The following SCUBE3 variants were observed in gnomAD, a reference collection of about 807,000 sequenced individuals.
The protein encoded by SCUBE3 is signal peptide, CUB and EGF-like domain-containing protein 3.
SCUBE3 carries 33 observed loss-of-function variants against 116.8 expected under a neutral mutation model. That is an observed-to-expected ratio of 0.28 (90% CI 0.21 to 0.38). The LOEUF is 0.38. SCUBE3 is among the 10% of genes least tolerant of loss of function. SCUBE3 has a pLI of 1.00. For synonymous variants in SCUBE3, 418 were observed against 496.9 expected (o/e 0.84, Z 2.11); for missense variants, 1,007 against 1,324.8 (o/e 0.76, Z 3.72).
chr6:35,217,061 C>G (rs535246853), intron 1 of SCUBE3, among the ~76,000 whole-genome samples: 114 of 151,556 alleles, frequency 7.5e-4, no homozygotes, highest in African/African-American at 2.6e-3. Flanking sequence ...GGTGGGTAAG[C>G]CTGTGTGACT....
Position 35,214,503 on chromosome 6 carries a change from G to T in SCUBE3, c.85G>T (p.Asp29Tyr). Residue 29 changes from aspartate (D) to tyrosine (Y), a missense_variant and splice_region_variant, in exon 1 of 22, where the codon GAT (aspartate) becomes TAT (tyrosine). By Grantham distance (160) the Asp-to-Tyr change is radical. Around this residue, in one of 5 missense-constraint regions of SCUBE3, gnomAD observed 94 missense variants for 92.0 expected, o/e 1.02. Transcript: ENST00000274938. The surrounding 1 kb of genome is among the most constrained non-coding windows in gnomAD (Gnocchi z 6.3). Reference protein sequence around the residue: ...RAAQYSKAAQDVDECVEGTDN... With the variant: ...RAAQYSKAAQYVDECVEGTDN... ...CGCCCAGTACAGCAAAGCCGCGCAA[G>T]GTAAGGAAGGAGGGGCGCGCGGCCT... 6.7e-7 allele frequency: 1 copy of T among 1,488,302 alleles called. No individual in the cohort carries two copies. 92.2% of individuals were successfully genotyped at this position (1,488,302 alleles called of 1,614,324 possible). A position where few individuals can be genotyped will look rare whatever the true frequency, so the allele number is the denominator to read the frequency against.
Position 35,244,033 on chromosome 6 carries a change from C to G in SCUBE3, c.2142C>G (p.Tyr714Ter). The change falls in exon 17 of 22, where the codon TAC becomes TAG. Residue 714 changes from tyrosine (Y) to a stop codon, truncating the protein, a stop_gained. Coordinates refer to ENST00000274938, the MANE Select transcript of SCUBE3 (RefSeq NM_152753.4). LOFTEE classifies it high-confidence loss of function. This position sits in a 1 kb window ranked among gnomAD's most constrained non-coding sequence, Gnocchi z 4.3. ...KPCQPCPRGT[Y>*]QPEAGRTLCF... ...GTCAGCCATGCCCACGTGGCACCTA[C>G]CAACCTGAAGCAGGACGGACCCTAT... 6.2e-7 allele frequency: 1 copy of G among 1,614,142 alleles called. No homozygotes were observed.
At position 35,240,265 on chromosome 6, in the gene SCUBE3, A is replaced by T; in HGVS notation, c.953-109A>T. ...TCCTAGAGCTAGGACATGAATAGGA[A>T]CTCTTCAGTTCAAGGGGGAAAGCCA... On this transcript the variant is annotated intron_variant, in intron 8 of 21. Coordinates refer to ENST00000274938, the MANE Select transcript of SCUBE3 (RefSeq NM_152753.4). The surrounding 1 kb of genome is among the most constrained non-coding windows in gnomAD (Gnocchi z 4.6). The T allele has an allele frequency of 1.6e-6, 1 of 614,366 alleles. No homozygotes were observed. The highest frequency in any genetic ancestry group is 2.9e-6 in the Non-Finnish European group (1 of 348,904). 38.1% of individuals were successfully genotyped at this position (614,366 alleles called of 1,614,324 possible). A position where few individuals can be genotyped will look rare whatever the true frequency, so the allele number is the denominator to read the frequency against.
rs1562044702 is a variant in SCUBE3 at position 35,226,479 on chromosome 6, C to CT, written c.86-1101_86-1100insT. Among the ~76,000 whole-genome samples, 50 of 52,172 alleles carry CT rather than the reference C, an allele frequency of 9.6e-4. 2 individuals are homozygous for CT. The highest frequency in any genetic ancestry group is 2.3e-3 in the African/African-American group (42 of 18,318). 34.2% of individuals were successfully genotyped at this position (52,172 alleles called of 152,430 possible). ...TCAGAAGTTGGACTCTTTTCTATGT[C>CT]CTTTTTTTTTTTTTTTTTTTTTTGA... On this transcript the variant is annotated intron_variant, in intron 1 of 21. Coordinates refer to ENST00000274938, the MANE Select transcript of SCUBE3 (RefSeq NM_152753.4).
At position 35,226,480 on chromosome 6, in the gene SCUBE3, C is replaced by CTTTTTTTTTTTTTTTTTTT. The variant is rs764779695; in HGVS notation, c.86-1096_86-1078dup. On this transcript the variant is annotated intron_variant, in intron 1 of 21. Transcript: ENST00000274938. ...CAGAAGTTGGACTCTTTTCTATGTCCTTTTTTTTTTTTTTTTTTTTTTGAG... is the reference window on the plus strand; with the variant it reads ...CAGAAGTTGGACTCTTTTCTATGTCCTTTTTTTTTTTTTTTTTTTTTTTTTTTTTTTTTTTTTTTTTGAG... Among the ~76,000 whole-genome samples the CTTTTTTTTTTTTTTTTTTT allele has an allele frequency of 1.9e-3, 161 of 85,228 alleles. 14 individuals are homozygous for CTTTTTTTTTTTTTTTTTTT. Among genetic ancestry groups the CTTTTTTTTTTTTTTTTTTT allele is most frequent in the East Asian group, 9.9e-3 (20 of 2,016 alleles). 55.9% of individuals were successfully genotyped at this position (85,228 alleles called of 152,430 possible). A position where few individuals can be genotyped will look rare whatever the true frequency, so the allele number is the denominator to read the frequency against.
rs1783905817 is a variant in SCUBE3 at position 35,239,026 on chromosome 6, T to C, written c.830-726T>C. ...GCCCCTTCCCCCAACCAGGGGTGAGTAGCCTGGGTCCTGTCTGCCACCAGC... is the reference window on the plus strand; with the variant it reads ...GCCCCTTCCCCCAACCAGGGGTGAGCAGCCTGGGTCCTGTCTGCCACCAGC... On this transcript the variant is annotated intron_variant, in intron 7 of 21. Transcript: ENST00000274938. The surrounding 1 kb of genome is among the most constrained non-coding windows in gnomAD (Gnocchi z 4.1). Among the ~76,000 whole-genome samples the C allele has an allele frequency of 6.6e-6, 1 of 151,670 alleles. No individual in the cohort carries two copies. The highest frequency in any genetic ancestry group is 1.5e-5 in the Non-Finnish European group (1 of 67,900).
rs890254296 is a variant in SCUBE3, at chr6:35,235,819, C to T, written c.713-2083C>T. 1.3e-5 allele frequency among the ~76,000 whole-genome samples: 2 copies of T among 151,640 alleles called. No individual in the cohort carries two copies. Among genetic ancestry groups the T allele is most frequent in the Non-Finnish European group, 2.9e-5 (2 of 67,902 alleles). On this transcript the variant is annotated intron_variant, in intron 6 of 21. Coordinates refer to ENST00000274938, the MANE Select transcript of SCUBE3 (RefSeq NM_152753.4). This position sits in a 1 kb window ranked among gnomAD's most constrained non-coding sequence, Gnocchi z 4.5. ...GCCATCTGCTCCCCACCCCCCTCTACCCAGCCAGCCTCATCTTCCCTGTCA... is the reference window on the plus strand; with the variant it reads ...GCCATCTGCTCCCCACCCCCCTCTATCCAGCCAGCCTCATCTTCCCTGTCA...
chr6:35,218,770 C>T (rs1027482942), intron 1 of SCUBE3, among the ~76,000 whole-genome samples: 9 of 152,188 alleles, frequency 5.9e-5, no homozygotes, highest in African/African-American at 2.2e-4. Flanking sequence ...CCCTCCCCCA[C>T]TGGCCACTTA....
chr6:35,224,787 C>A (rs1477799074), intron 1 of SCUBE3, among the ~76,000 whole-genome samples: 1 of 152,086 alleles, frequency 6.6e-6, no homozygotes, highest in Non-Finnish European at 1.5e-5. Context: ...AGTGAAGCAC[C>A]AGCTGATTCA....
At chr6:35,215,357 C>T (rs898443514) in intron 1 of SCUBE3, among the ~76,000 whole-genome samples, 19 of 152,166 alleles carry the variant, frequency 1.2e-4, no homozygotes, top group African/African-American at 4.1e-4. Flanking sequence ...GCTGTGCAGG[C>T]AGAGACTAGG....
rs1036596705 is a variant in SCUBE3 at position 35,219,393 on chromosome 6, A to G, written c.85+4890A>G. ...AGACATGTCCCCCTGCAGATCAAGC[A>G]CTGCTTTGTAGTTGCTGTTAGATGC... On this transcript the variant is annotated intron_variant, in intron 1 of 21. Coordinates refer to ENST00000274938, the MANE Select transcript of SCUBE3 (RefSeq NM_152753.4). The surrounding 1 kb of genome is among the most constrained non-coding windows in gnomAD (Gnocchi z 4.7). Among the ~76,000 whole-genome samples, 7 of 152,208 alleles carry G rather than the reference A, an allele frequency of 4.6e-5. No individual in the cohort carries two copies. Among genetic ancestry groups the G allele is most frequent in the Non-Finnish European group, 1.5e-5 (1 of 68,030 alleles).
chr6:35,234,216 C>T (rs554475300), intron 6 of SCUBE3, among the ~76,000 whole-genome samples: 56 of 152,130 alleles, frequency 3.7e-4, no homozygotes, highest in Non-Finnish European at 5.9e-4. Flanking sequence ...GTGTCTTTAG[C>T]CAGGCAGGGC....
intron 1 of SCUBE3, among the ~76,000 whole-genome samples, chr6:35,215,977 T>A (rs1782875594): frequency 6.6e-6 from 1 of 152,248 alleles, no homozygotes; most frequent in South Asian, 2.1e-4. Flanking sequence ...TAGTGTGTGC[T>A]GACTTACTCA....
chr6:35,232,312 C>G lies in SCUBE3; in HGVS notation c.469+453C>G, dbSNP rs1783582765. The stretch of plus-strand genomic sequence containing the variant: ...ACATCCCTGAGGGCAGGGACTATGT[C>G]TAACTCATTGTTGTATCCCCAGCAC... On this transcript the variant is annotated intron_variant, in intron 4 of 21. Coordinates refer to ENST00000274938, the MANE Select transcript of SCUBE3 (RefSeq NM_152753.4). The surrounding 1 kb of genome is among the most constrained non-coding windows in gnomAD (Gnocchi z 4.2). Among the ~76,000 whole-genome samples, 2 of 152,186 alleles carry G rather than the reference C, an allele frequency of 1.3e-5. No individual in the cohort carries two copies. The highest frequency in any genetic ancestry group is 4.1e-4 in the South Asian group (2 of 4,832).
rs1218293179 is a variant in SCUBE3, at chr6:35,233,058, G to C, written c.595+83G>C. 2 of 1,559,150 alleles carry C rather than the reference G, an allele frequency of 1.3e-6. No homozygotes were observed. The highest frequency in any genetic ancestry group is 2.7e-5 in the African/African-American group (2 of 73,992). ...AGGGTATAGGGCTTCAGGAGCAAGAGGACAGGGCTGGGAGGAAAAGGGAGT... is the reference window on the plus strand; with the variant it reads ...AGGGTATAGGGCTTCAGGAGCAAGACGACAGGGCTGGGAGGAAAAGGGAGT... On this transcript the variant is annotated intron_variant, in intron 5 of 21. Coordinates refer to ENST00000274938, the MANE Select transcript of SCUBE3 (RefSeq NM_152753.4). This position sits in a 1 kb window ranked among gnomAD's most constrained non-coding sequence, Gnocchi z 5.7.
chr6:35,218,636 A>G lies in SCUBE3; in HGVS notation c.85+4133A>G, dbSNP rs1783014481. On this transcript the variant is annotated intron_variant, in intron 1 of 21. Transcript: ENST00000274938. ...CTGGGGACAGCTTCTTCAGGCTCAG[A>G]AGACTGGAGTCTGGAAACAGAAGGA... Among the ~76,000 whole-genome samples the G allele has an allele frequency of 2.0e-5, 3 of 152,162 alleles. No homozygotes were observed. In the South Asian group the frequency reaches 6.2e-4, roughly 32 times the overall value.
intron 21 of SCUBE3, among the ~76,000 whole-genome samples, chr6:35,246,697 T>A (rs896391782): frequency 9.9e-5 from 15 of 152,244 alleles, no homozygotes; most frequent in East Asian, 5.8e-4. Flanking sequence ...GCAGATAGGC[T>A]GCGTGTGGTG....
chr6:35,232,005 A>C lies in SCUBE3; in HGVS notation c.469+146A>C. Reference sequence around the variant, plus strand: ...TGTCCTTCAACTCAATCACACCCTAAAGGATCTAGGAACAGACACCCTGTT... The same window carrying C: ...TGTCCTTCAACTCAATCACACCCTACAGGATCTAGGAACAGACACCCTGTT... On this transcript the variant is annotated intron_variant, in intron 4 of 21. Transcript: ENST00000274938. This position sits in a 1 kb window ranked among gnomAD's most constrained non-coding sequence, Gnocchi z 4.2. 4.1e-6 allele frequency: 3 copies of C among 732,890 alleles called. No individual in the cohort carries two copies. The highest frequency in any genetic ancestry group is 6.5e-6 in the Non-Finnish European group (3 of 463,150). The allele number at this position is 732,890 out of a possible 1,614,324, so 45.4% of individuals were successfully genotyped here. A position where few individuals can be genotyped will look rare whatever the true frequency, so the allele number is the denominator to read the frequency against.
chr6:35,231,740 C>T lies in SCUBE3; in HGVS notation c.350C>T (p.Ala117Val), dbSNP rs756938572. ...TCCTGCACAGATGTGGACGAGTGTG[C>T]CGAGGGCAACGGCGGCTGTCAGCAG... ...GHNCLDVDEC[A>V]EGNGGCQQSC... is the part of the protein sequence containing the mutation. The change falls in exon 4 of 22, where the codon GCC (alanine) becomes GTC (valine). Residue 117 changes from alanine to valine, a missense_variant. Physicochemically the swap from Ala to Val is moderately conservative, Grantham distance 64. This residue lies in a region of SCUBE3 where 37 missense variants were observed against 80.6 expected (regional missense o/e 0.46). Transcript: ENST00000274938. This position sits in a 1 kb window ranked among gnomAD's most constrained non-coding sequence, Gnocchi z 4.2. 5 of 1,612,112 alleles carry T rather than the reference C, an allele frequency of 3.1e-6. No homozygotes were observed. Among genetic ancestry groups the T allele is most frequent in the African/African-American group, 1.3e-5 (1 of 74,880 alleles).
Sources: gnomAD v4.1 joint callset for allele counts (sites outside exome capture counted in the v4.1 genomes callset) on GRCh38, gnomAD v4.1.1 for gene constraint, gnomAD v4.1.1 regional missense constraint, Gnocchi (gnomAD v3.1) non-coding constraint, MANE v1.5 for transcripts, NCBI Gene and HGNC (gene_info 2026-07-23, HGNC 2026-07-21) for gene names.